The following RGL1 variants were observed in gnomAD, a reference collection of about 807,000 sequenced individuals.
The protein encoded by RGL1 is ral guanine nucleotide dissociation stimulator-like 1.
In RGL1, 24 loss-of-function variants were observed where a neutral mutation model predicts 95.2. The observed-to-expected ratio is 0.25, with a 90% CI of 0.18 to 0.35. The LOEUF is 0.35. Ranked by LOEUF, RGL1 falls within the 10% of genes least tolerant of loss-of-function variation. RGL1 has a pLI of 1.00. For missense variants in RGL1, 715 were observed against 936.3 expected, an observed-to-expected ratio of 0.76 and a Z score of 3.08; for synonymous variants, 329 against 344.9, an observed-to-expected ratio of 0.95 and a Z score of 0.51.
chr1:183,708,875 G>A (rs1655084120), intron 1 of RGL1, among the ~76,000 whole-genome samples: 2 of 152,214 alleles, frequency 1.3e-5, no homozygotes, highest in African/African-American at 2.4e-5. Context: ...AAGGGACGCG[G>A]ACCGGGGCCC....
intron 1 of RGL1, among the ~76,000 whole-genome samples, chr1:183,689,401 C>T (rs906719831): frequency 2.6e-5 from 4 of 152,176 alleles, no homozygotes; most frequent in Non-Finnish European, 2.9e-5. Context: ...TGCTGTTTCT[C>T]TCCTGGATGT....
intron 3 of RGL1, among the ~76,000 whole-genome samples, chr1:183,851,811 A>G (rs923991390): frequency 6.6e-6 from 1 of 152,246 alleles, no homozygotes; most frequent in Non-Finnish European, 1.5e-5. Context: ...TCTTGATTAA[A>G]TTTAACCAAA....
intron 1 of RGL1, among the ~76,000 whole-genome samples, chr1:183,673,251 T>C (rs1652590911): frequency 6.6e-6 from 1 of 152,234 alleles, no homozygotes; most frequent in Non-Finnish European, 1.5e-5. Flanking sequence ...TGAGTGTGTT[T>C]TCAGACCTGG....
At chr1:183,786,006 A>G (rs1420622998) in intron 2 of RGL1, among the ~76,000 whole-genome samples, 7 of 152,124 alleles carry the variant, frequency 4.6e-5, no homozygotes, top group African/African-American at 1.7e-4. Flanking sequence ...TGAGCCCAGG[A>G]GTTTGATGCT....
rs997383826 is a variant in RGL1 at position 183,753,218 on chromosome 1, C to T, written c.132+10929C>T. On this transcript the variant is annotated intron_variant, in intron 2 of 18. Coordinates refer to the RGL1 transcript ENST00000304685. The stretch of plus-strand genomic sequence containing the variant: ...TAATCTTAGGTCTGCCTTCCAATTC[C>T]GTAATTCTCTCTTCAGCTTTAATCT... Among the ~76,000 whole-genome samples, 93 of 152,226 alleles carry T rather than the reference C, an allele frequency of 6.1e-4. 1 individual carries two copies. The highest frequency in any genetic ancestry group is 2.1e-3 in the African/African-American group (86 of 41,544).
chr1:183,902,502 C>T, intron 11 of RGL1, 66 bp from the exon 12 acceptor site: 9 of 1,386,202 alleles, frequency 6.5e-6, no homozygotes, highest in South Asian at 2.6e-5. Context: ...ATGTGACCTA[C>T]GACAACATAT....
intron 10 of RGL1, 34 bp downstream of exon 10, chr1:183,897,931 C>G: frequency 6.3e-7 from 1 of 1,579,736 alleles, no homozygotes; most frequent in Non-Finnish European, 8.7e-7. Flanking sequence ...TGACAGCTCA[C>G]AGAGGAGAAG....
At chr1:183,840,482 T>C (rs1357362888) in intron 2 of RGL1, among the ~76,000 whole-genome samples, 1 of 152,098 alleles carries the variant, frequency 6.6e-6, no homozygotes, top group African/African-American at 2.4e-5. Context: ...TTCCATACTT[T>C]GGGATAGCGT....
intron 1 of RGL1, among the ~76,000 whole-genome samples, chr1:183,733,396 G>T (rs567658585): frequency 1.3e-5 from 2 of 152,270 alleles, no homozygotes; most frequent in Admixed American, 6.5e-5. Flanking sequence ...TATGCAAAAG[G>T]CAGCGTCAGG....
At chr1:183,798,040 G>A (rs924940148) in intron 2 of RGL1, among the ~76,000 whole-genome samples, 4 of 152,316 alleles carry the variant, frequency 2.6e-5, no homozygotes, top group African/African-American at 9.6e-5. Context: ...TTGTTCAAAA[G>A]TCCACTACCA....
intron 4 of RGL1, among the ~76,000 whole-genome samples, chr1:183,875,239 C>T (rs147931346): frequency 3.7e-4 from 57 of 152,246 alleles, no homozygotes; most frequent in African/African-American, 1.3e-3. Flanking sequence ...CTTTTTGTCA[C>T]GGTAATCCTA....
At chr1:183,761,843 G>A (rs1484675538) in intron 2 of RGL1, among the ~76,000 whole-genome samples, 1 of 152,162 alleles carries the variant, frequency 6.6e-6, no homozygotes, top group Admixed American at 6.5e-5. Flanking sequence ...TCTTGCTGTA[G>A]CTTCTGTATC....
intron 2 of RGL1, among the ~76,000 whole-genome samples, chr1:183,824,647 A>G (rs1329722843): frequency 6.6e-6 from 1 of 152,134 alleles, no homozygotes; most frequent in Non-Finnish European, 1.5e-5. Flanking sequence ...ATTCACTTTC[A>G]TGTTACTGTG....
intron 1 of RGL1, chr1:183,647,948 T>C: frequency 6.2e-7 from 1 of 1,614,080 alleles, no homozygotes; most frequent in Admixed American, 1.7e-5. Context: ...TGGGTTGGAG[T>C]TGTCCACTCG....
At chr1:183,654,153 C>G (rs1650973453) in intron 1 of RGL1, among the ~76,000 whole-genome samples, 1 of 152,202 alleles carries the variant, frequency 6.6e-6, no homozygotes, top group South Asian at 2.1e-4. Context: ...CAGTCTGCAC[C>G]ACAGCACACA....
At chr1:183,748,560 C>G (rs1206354714) in intron 2 of RGL1, among the ~76,000 whole-genome samples, 1 of 151,960 alleles carries the variant, frequency 6.6e-6, no homozygotes, top group Non-Finnish European at 1.5e-5. Context: ...TGCCCGCCAC[C>G]ACGTCCAGCT....
Position 183,892,164 on chromosome 1 carries a change from G to C in RGL1, c.1140+3G>C. The C allele has an allele frequency of 6.2e-7, 1 of 1,604,138 alleles. No individual in the cohort carries two copies. Among genetic ancestry groups the C allele is most frequent in the Non-Finnish European group, 8.5e-7 (1 of 1,171,594 alleles). The stretch of plus-strand genomic sequence containing the variant: ...CCAGCCGAGAACTACTGATGAAGGT[G>C]AGGCTCTTAGTGAGGCTGCTGTGTA... On this transcript the variant is annotated splice_donor_region_variant and intron_variant, in intron 9 of 17. Coordinates refer to ENST00000360851, the MANE Select transcript of RGL1 (RefSeq NM_001297671.3).
chr1:183,909,221 A>G (rs764041682), intron 14 of RGL1, among the ~76,000 whole-genome samples: 2 of 152,316 alleles, frequency 1.3e-5, no homozygotes, highest in Admixed American at 1.3e-4. Flanking sequence ...AGATTTCATG[A>G]TCTTCTTAGC....
chr1:183,854,837 A>G (rs1467251819), intron 3 of RGL1, among the ~76,000 whole-genome samples: 8 of 152,204 alleles, frequency 5.3e-5, no homozygotes, highest in African/African-American at 1.9e-4. Flanking sequence ...TAACAAAAAT[A>G]GCACCTAATT....
Sources: allele counts gnomAD v4.1 joint callset (sites outside exome capture counted in the v4.1 genomes callset), GRCh38; gene constraint gnomAD v4.1.1; transcripts MANE v1.5; gene names NCBI Gene and HGNC (gene_info 2026-07-23, HGNC 2026-07-21).